The following SEPTIN14 variants were observed in gnomAD, a reference collection of about 807,000 sequenced individuals.
SEPTIN14 encodes septin 14.
Under a neutral mutation model 53.6 loss-of-function variants are expected in SEPTIN14, and 40 were observed. The ratio of observed to expected loss-of-function variants is 0.75; its 90% CI spans 0.58 to 0.97. The LOEUF (loss-of-function observed/expected upper bound fraction) is 0.97. SEPTIN14 is among the 50% of genes least tolerant of loss of function. The probability of loss-of-function intolerance (pLI) is 0.00; values close to 1 mark genes in which losing one functional copy is unlikely to be tolerated. For synonymous variants in SEPTIN14, 138 were observed against 166.8 expected (o/e 0.83, Z 1.33); for missense variants, 471 against 508.2 (o/e 0.93, Z 0.70).
At chr7:55,798,517 A>G (rs540223987) in intron 9 of SEPTIN14, 2 of 317,472 alleles carry the variant, frequency 6.3e-6, no homozygotes, top group South Asian at 6.1e-5. Flanking sequence ...CACCCAAATG[A>G]TGTCAGGCCC....
At chr7:55,819,008 A>G (rs1788843909) in intron 7 of SEPTIN14, 119 bp downstream of exon 7, 2 of 641,614 alleles carry the variant, frequency 3.1e-6, no homozygotes, top group Non-Finnish European at 2.8e-6. Context: ...GTAACTGTTA[A>G]CTTACAGATT....
intron 2 of SEPTIN14, among the ~76,000 whole-genome samples, chr7:55,857,739 C>T (rs1292842372): frequency 4.0e-5 from 6 of 151,026 alleles, no homozygotes; most frequent in East Asian, 2.0e-4. Context: ...AGGCGCCCGC[C>T]ACCACGCCCG....
intron 5 of SEPTIN14, among the ~76,000 whole-genome samples, chr7:55,840,275 G>A (rs1584267552): frequency 6.6e-6 from 1 of 151,514 alleles, no homozygotes; most frequent in East Asian, 1.9e-4. Context: ...GATCACCTGA[G>A]GTCAAGAGTT....
At position 55,819,171 on chromosome 7, in the gene SEPTIN14, T is replaced by C; in HGVS notation, c.773A>G (p.Lys258Arg). 6.3e-7 allele frequency: 1 copy of C among 1,585,624 alleles called. No individual in the cohort carries two copies. Among genetic ancestry groups the C allele is most frequent in the Non-Finnish European group, 8.6e-7 (1 of 1,165,006 alleles). ...VGSTDEVKVG[K>R]RMVRGRHYPW... Reference sequence around the variant, plus strand: ...GTAGTGACGGCCTCTGACCATCCTTTTTCCAACTTTCACTTCATCTGTACT... The same window carrying C: ...GTAGTGACGGCCTCTGACCATCCTTCTTCCAACTTTCACTTCATCTGTACT... Residue 258 changes from lysine (K) to arginine (R), a missense_variant, in exon 7 of 10, where the codon AAA (lysine) becomes AGA (arginine). Lys to Arg is a conservative substitution (Grantham distance 26, BLOSUM62 2). Transcript: ENST00000388975.
intron 5 of SEPTIN14, among the ~76,000 whole-genome samples, chr7:55,835,744 A>G (rs887574519): frequency 5.9e-5 from 9 of 151,576 alleles, no homozygotes; most frequent in Non-Finnish European, 5.9e-5. Flanking sequence ...TTTGATTACC[A>G]TATTCTTTCT....
intron 5 of SEPTIN14, among the ~76,000 whole-genome samples, chr7:55,835,449 G>A (rs78118059): frequency 0.055 from 8,362 of 152,016 alleles, 433 homozygotes; most frequent in East Asian, 0.24. Context: ...TGATCCGCTC[G>A]CCTCAGCCTC....
At chr7:55,860,488 T>A (rs1474761340) in intron 2 of SEPTIN14, among the ~76,000 whole-genome samples, 1 of 152,104 alleles carries the variant, frequency 6.6e-6, no homozygotes, top group Admixed American at 6.6e-5. Context: ...GAGACTATAG[T>A]TTATAACAAT....
At chr7:55,833,021 T>A (rs1023133800) in intron 6 of SEPTIN14, among the ~76,000 whole-genome samples, 2 of 152,024 alleles carry the variant, frequency 1.3e-5, no homozygotes, top group Non-Finnish European at 2.9e-5. Context: ...CATCTTTTTT[T>A]AAAAAAAGAT....
intron 9 of SEPTIN14, among the ~76,000 whole-genome samples, chr7:55,804,258 GT>G (rs1270948541): frequency 6.8e-6 from 1 of 147,510 alleles, no homozygotes; most frequent in South Asian, 2.1e-4. Context: ...TAATGGTTTG[GT>G]TTTTTTTGTT....
In SEPTIN14 at chr7:55,805,363, T is replaced by A. The variant is rs1165307444; in HGVS notation, c.1014A>T (p.Arg338Ser). ...VSFQEIFEAK[R>S]QEFYDQCQRE... ...TCTGACATTGATCATAGAACTCTTG[T>A]CTTTTGGCTTCAAAGATTTCTTGAA... Residue 338 changes from arginine (R) to serine (S), a missense_variant, in exon 9 of 10, where the codon AGA (arginine) becomes AGT (serine). By Grantham distance (110) the Arg-to-Ser change is moderately radical (BLOSUM62 -1). Transcript: ENST00000388975. The A allele has an allele frequency of 6.3e-7, 1 of 1,594,370 alleles. No individual in the cohort carries two copies. The highest frequency in any genetic ancestry group is 8.5e-7 in the Non-Finnish European group (1 of 1,170,252).
intron 2 of SEPTIN14, among the ~76,000 whole-genome samples, chr7:55,855,098 TC>T (rs1330354608): frequency 6.6e-5 from 10 of 150,808 alleles, no homozygotes; most frequent in African/African-American, 2.2e-4. Context: ...AAGCTCTGCC[TC>T]CCAGGTTCAC....
At position 55,859,999 on chromosome 7, in the gene SEPTIN14, T is replaced by G. The variant is rs1789714406; in HGVS notation, c.54+1944A>C. Among the ~76,000 whole-genome samples the G allele has an allele frequency of 2.0e-5, 3 of 152,000 alleles. No homozygotes were observed. The South Asian group carries it at 6.2e-4, about 32-fold the overall frequency. On this transcript the variant is annotated intron_variant, in intron 2 of 9. Coordinates refer to ENST00000388975, the MANE Select transcript of SEPTIN14 (RefSeq NM_207366.3). The stretch of plus-strand genomic sequence containing the variant: ...GTTTGAAACCAACCTGGCCAATATG[T>G]TGAAACCCCATCTCTACTAAAAATA...
Position 55,836,104 on chromosome 7 carries a change from AG to A in SEPTIN14, c.559-1519del, listed in dbSNP as rs138130572. Among the ~76,000 whole-genome samples, 909 of 152,236 alleles carry A rather than the reference AG, an allele frequency of 6.0e-3. 8 individuals carry two copies. Among genetic ancestry groups the A allele is most frequent in the African/African-American group, 0.021 (874 of 41,566 alleles). On this transcript the variant is annotated intron_variant, in intron 5 of 9. Transcript: ENST00000388975. Reference sequence around the variant, plus strand: ...GTGTGTGTGCGCGTGTGTGTGTATAAGAACACCTTGCAAACAAATATGTTCA... The same window carrying A: ...GTGTGTGTGCGCGTGTGTGTGTATAAAACACCTTGCAAACAAATATGTTCA...
intron 5 of SEPTIN14, among the ~76,000 whole-genome samples, chr7:55,841,522 C>A (rs1789310678): frequency 6.6e-6 from 1 of 151,860 alleles, no homozygotes; most frequent in East Asian, 1.9e-4. Context: ...GAGTTCAAGA[C>A]CAGCCTGGCC....
intron 2 of SEPTIN14, chr7:55,850,732 A>C (rs559503812): frequency 1.3e-5 from 2 of 152,246 alleles, no homozygotes; most frequent in South Asian, 4.2e-4. Context: ...TCTAGACATT[A>C]AAAAATACTT....
At chr7:55,830,972 C>T (rs913193666) in intron 6 of SEPTIN14, among the ~76,000 whole-genome samples, 1 of 152,028 alleles carries the variant, frequency 6.6e-6, no homozygotes, top group Non-Finnish European at 1.5e-5. Context: ...AACATCATTA[C>T]AAAGACCACA....
intron 9 of SEPTIN14, among the ~76,000 whole-genome samples, chr7:55,803,451 T>C (rs1788556260): frequency 6.6e-6 from 1 of 152,150 alleles, no homozygotes; most frequent in South Asian, 2.1e-4. Flanking sequence ...AAGAATAATT[T>C]TATAAAACAA....
At chr7:55,850,574 C>T (rs919869451) in intron 2 of SEPTIN14, among the ~76,000 whole-genome samples, 1 of 152,066 alleles carries the variant, frequency 6.6e-6, no homozygotes, top group Non-Finnish European at 1.5e-5. Context: ...TTCTTTTTTA[C>T]TACTATAATT....
In SEPTIN14 at chr7:55,846,675, T is replaced by A. The variant is rs370363908; in HGVS notation, c.55-38A>T. 4 of 1,150,624 alleles carry A rather than the reference T, an allele frequency of 3.5e-6. No individual in the cohort carries two copies. In the South Asian group the frequency reaches 5.5e-5, roughly 16 times the overall value. The allele number at this position is 1,150,624 out of a possible 1,614,324, so 71.3% of individuals were successfully genotyped here. A position where few individuals can be genotyped will look rare whatever the true frequency, so the allele number is the denominator to read the frequency against. On this transcript the variant is annotated intron_variant, in intron 2 of 9. Transcript: ENST00000388975. The stretch of plus-strand genomic sequence containing the variant: ...AAAAATTTAGAGTTTTGTGTTAGAA[T>A]AAAAAATGAAGTCATTTGAAAGGAA...
Sources: gnomAD v4.1 joint callset for allele counts (sites outside exome capture counted in the v4.1 genomes callset) on GRCh38, gnomAD v4.1.1 for gene constraint, MANE v1.5 for transcripts, NCBI Gene and HGNC (gene_info 2026-07-23, HGNC 2026-07-21) for gene names.